Variants in CENPE observed in about 807,000 individuals in gnomAD.
The protein encoded by CENPE is centromere protein E, also known as centromere-associated protein E.
In CENPE, 145 loss-of-function variants were observed where a neutral mutation model predicts 336.1. The ratio of observed to expected loss-of-function variants is 0.43; its 90% confidence interval spans 0.38 to 0.50. CENPE has a LOEUF of 0.50. CENPE is among the 20% of genes least tolerant of loss of function. CENPE has a pLI of 0.00. For missense variants in CENPE, 2,719 were observed against 3,023.3 expected (o/e 0.90, Z 2.36); for synonymous variants, 1,013 against 984.8 (o/e 1.03, Z -0.54).
At chr4:103,130,036 CA>C (rs1226358086) in intron 42 of CENPE, among the ~76,000 whole-genome samples, 1 of 152,118 alleles carries the variant, frequency 6.6e-6, no homozygotes, top group East Asian at 1.9e-4. Flanking sequence ...AGAATGTCTA[CA>C]AAAAACTACA....
At chr4:103,180,091 T>C (rs1756204084) in intron 13 of CENPE, among the ~76,000 whole-genome samples, 1 of 152,150 alleles carries the variant, frequency 6.6e-6, no homozygotes, top group Non-Finnish European at 1.5e-5. Flanking sequence ...AATAAATTAT[T>C]TAAATACATT....
At chr4:103,169,573 T>C (rs1755221599) in intron 16 of CENPE, among the ~76,000 whole-genome samples, 1 of 152,196 alleles carries the variant, frequency 6.6e-6, no homozygotes. Context: ...AGTTCCATTA[T>C]GGTTAGCAGT....
At chr4:103,137,311 G>A (rs549689049) in intron 39 of CENPE, among the ~76,000 whole-genome samples, 22 of 152,272 alleles carry the variant, frequency 1.4e-4, no homozygotes, top group South Asian at 4.1e-4. Context: ...ATAGACTCAA[G>A]TGACTTGAGG....
intron 42 of CENPE, among the ~76,000 whole-genome samples, chr4:103,129,758 T>C (rs1038435326): frequency 1.4e-5 from 2 of 140,250 alleles, no homozygotes; most frequent in Non-Finnish European, 3.2e-5. Context: ...AAAACAAAGA[T>C]GTAAAAAAAG....
At chr4:103,155,765 T>C (rs1274866101) in intron 24 of CENPE, among the ~76,000 whole-genome samples, 1 of 152,198 alleles carries the variant, frequency 6.6e-6, no homozygotes, top group Admixed American at 6.5e-5. Context: ...AGGCAGTATT[T>C]TGCCCCGGAG....
At chr4:103,173,920 A>G (rs958809659) in intron 16 of CENPE, among the ~76,000 whole-genome samples, 2 of 151,846 alleles carry the variant, frequency 1.3e-5, no homozygotes, top group Non-Finnish European at 3.0e-5. Context: ...TGTTGGTAGG[A>G]ATATATAGAA....
intron 36 of CENPE, 55 bp from the exon 37 acceptor site, chr4:103,140,469 ACT>A: frequency 4.1e-6 from 5 of 1,218,674 alleles, no homozygotes; most frequent in Non-Finnish European, 4.5e-6. Flanking sequence ...CGTTACCTTT[ACT>A]TAATGATTGA....
chr4:103,151,677 T>G (rs144517596), intron 25 of CENPE, among the ~76,000 whole-genome samples: 2 of 152,336 alleles, frequency 1.3e-5, no homozygotes, highest in African/African-American at 4.8e-5. Context: ...AGACTTTTTC[T>G]GAGCTATCAC....
chr4:103,120,576 C>T (rs1188282633), intron 43 of CENPE, among the ~76,000 whole-genome samples: 1 of 152,142 alleles, frequency 6.6e-6, no homozygotes, highest in Non-Finnish European at 1.5e-5. Context: ...ATTCTTAAAA[C>T]ATGCAGTTAA....
intron 24 of CENPE, among the ~76,000 whole-genome samples, chr4:103,155,376 C>T (rs1753881503): frequency 6.6e-6 from 1 of 152,100 alleles, no homozygotes; most frequent in Non-Finnish European, 1.5e-5. Flanking sequence ...GCAGCATGAT[C>T]TGGGCTCACT....
At chr4:103,159,495 C>T (rs1271015657) in intron 21 of CENPE, among the ~76,000 whole-genome samples, 171 bp from the exon 22 acceptor site, 1 of 151,894 alleles carries the variant, frequency 6.6e-6, no homozygotes, top group Non-Finnish European at 1.5e-5. Flanking sequence ...CCTAACTCAG[C>T]TTGTTTAACT....
chr4:103,124,870 G>A (rs1433694480), intron 42 of CENPE, among the ~76,000 whole-genome samples: 1 of 152,118 alleles, frequency 6.6e-6, no homozygotes, highest in East Asian at 1.9e-4. Context: ...TCTGGACTAT[G>A]CACCTCACAC....
intron 25 of CENPE, among the ~76,000 whole-genome samples, chr4:103,152,699 T>C (rs971007993): frequency 2.6e-5 from 4 of 152,118 alleles, no homozygotes; most frequent in African/African-American, 9.7e-5. Flanking sequence ...AAAGGGAGTG[T>C]AGAAAGTCAA....
At chr4:103,182,423 T>C (rs1016494470) in intron 11 of CENPE, among the ~76,000 whole-genome samples, 7 of 152,216 alleles carry the variant, frequency 4.6e-5, no homozygotes, top group Non-Finnish European at 1.0e-4. Flanking sequence ...CACAATTTTT[T>C]TTGTTACCTT....
At chr4:103,113,365 C>A (rs1046185562) in intron 46 of CENPE, among the ~76,000 whole-genome samples, 11 of 141,102 alleles carry the variant, frequency 7.8e-5, no homozygotes, top group Non-Finnish European at 1.5e-4. Flanking sequence ...CGTATATATA[C>A]TTCTATAGAC....
chr4:103,127,530 A>G (rs78051042), intron 42 of CENPE, among the ~76,000 whole-genome samples: 1,608 of 152,288 alleles, frequency 0.011, 20 homozygotes, highest in African/African-American at 0.036. Flanking sequence ...AAGAGAAGGA[A>G]TAAGTGAAGG....
At chr4:103,136,389 T>C in intron 39 of CENPE, 30 bp from the exon 40 acceptor site, 1 of 1,452,596 alleles carries the variant, frequency 6.9e-7, no homozygotes, top group Non-Finnish European at 9.5e-7. Flanking sequence ...ACTCAATTTA[T>C]AACAATTCAT....
chr4:103,140,807 A>G lies in CENPE; in HGVS notation c.5754+7T>C. On this transcript the variant is annotated splice_region_variant and intron_variant, in intron 36 of 48. Transcript: ENST00000265148. Reference sequence around the variant, plus strand: ...TAATGGTAGGGTAAAGAGAGAACACAACTCACTCTAGCTTTGGTTTCTTGC... The same window carrying G: ...TAATGGTAGGGTAAAGAGAGAACACGACTCACTCTAGCTTTGGTTTCTTGC... 1.3e-6 allele frequency: 2 copies of G among 1,571,052 alleles called. No homozygotes were observed. Among genetic ancestry groups the G allele is most frequent in the Non-Finnish European group, 8.6e-7 (1 of 1,164,588 alleles).
chr4:103,110,702 C>T (rs1451087261), intron 47 of CENPE, 126 bp downstream of exon 47: 8 of 563,182 alleles, frequency 1.4e-5, no homozygotes, highest in Non-Finnish European at 2.3e-5. Flanking sequence ...TACCTGAGCT[C>T]TAAAAATTAC....
Sources: gnomAD v4.1 joint callset for allele counts (sites outside exome capture counted in the v4.1 genomes callset) on GRCh38, gnomAD v4.1.1 for gene constraint, MANE v1.5 for transcripts, NCBI Gene and HGNC (gene_info 2026-07-23, HGNC 2026-07-21) for gene names.